MMP16: variants seen among roughly 807,000 people sequenced by gnomAD.
The protein encoded by MMP16 is matrix metallopeptidase 16.
Under a neutral mutation model 67.8 loss-of-function variants are expected in MMP16, and 12 were observed. The ratio of observed to expected loss-of-function variants is 0.18; its 90% confidence interval spans 0.11 to 0.29. MMP16 has a LOEUF of 0.29. Ranked by LOEUF, MMP16 falls within the 10% of genes least tolerant of loss-of-function variation. MMP16 has a pLI of 1.00. For missense variants in MMP16, 475 were observed against 765.7 expected, an observed-to-expected ratio of 0.62 and a Z score of 4.48; for synonymous variants, 249 against 255.9, an observed-to-expected ratio of 0.97 and a Z score of 0.26.
Position 88,257,598 on chromosome 8 carries a change from C to T in MMP16, c.133-60292G>A, listed in dbSNP as rs1810323491. Among the ~76,000 whole-genome samples the T allele has an allele frequency of 2.6e-5, 4 of 152,148 alleles. No homozygotes were observed. In the South Asian group the frequency reaches 6.2e-4, roughly 24 times the overall value. On this transcript the variant is annotated intron_variant, in intron 1 of 9. Coordinates refer to ENST00000286614, the MANE Select transcript of MMP16 (RefSeq NM_005941.5). ...GCTTAATATCATTGAAAAGAAAGCT[C>T]AGTTTAATATTATTTATAATTTATT...
At chr8:88,196,762 T>A (rs28907574) in intron 2 of MMP16, among the ~76,000 whole-genome samples, 4,034 of 151,794 alleles carry the variant, frequency 0.027, 174 homozygotes, top group African/African-American at 0.092. Flanking sequence ...GATATTTCCA[T>A]TTGGCCAATT....
In MMP16 at chr8:88,173,211, C is replaced by G. The variant is rs191473498; in HGVS notation, c.405-5238G>C. The stretch of plus-strand genomic sequence containing the variant: ...GGACTACAGTTGTGCACCACCACGC[C>G]TGGCTAATTTTTATACCTTTTGTAG... On this transcript the variant is annotated intron_variant, in intron 3 of 9. Coordinates refer to ENST00000286614, the MANE Select transcript of MMP16 (RefSeq NM_005941.5). Among the ~76,000 whole-genome samples the G allele has an allele frequency of 4.9e-3, 751 of 152,202 alleles. 2 individuals are homozygous for G. Among genetic ancestry groups the G allele is most frequent in the Non-Finnish European group, 8.2e-3 (561 of 68,018 alleles).
intron 1 of MMP16, among the ~76,000 whole-genome samples, chr8:88,272,126 ATGCGAG>A (rs1178484462): frequency 6.6e-6 from 1 of 152,190 alleles, no homozygotes; most frequent in African/African-American, 2.4e-5. Context: ...GAATATGTGC[ATGCGAG>A]TGTGTACAGG....
At chr8:88,055,179 G>T (rs902304108) in intron 8 of MMP16, among the ~76,000 whole-genome samples, 1 of 151,954 alleles carries the variant, frequency 6.6e-6, no homozygotes, top group Non-Finnish European at 1.5e-5. Context: ...GGCTATATCT[G>T]CCTAAAAGCT....
chr8:88,141,520 A>G (rs1467791923), intron 4 of MMP16, among the ~76,000 whole-genome samples: 1 of 152,050 alleles, frequency 6.6e-6, no homozygotes, highest in Non-Finnish European at 1.5e-5. Context: ...CCCCACCTAC[A>G]ACTATTACCT....
chr8:88,068,633 C>T (rs150673299), intron 7 of MMP16, among the ~76,000 whole-genome samples: 1 of 152,000 alleles, frequency 6.6e-6, no homozygotes, highest in Non-Finnish European at 1.5e-5. Flanking sequence ...ATTACTTGTC[C>T]ATATATGTTT....
intron 1 of MMP16, among the ~76,000 whole-genome samples, chr8:88,319,345 GA>G (rs1811423574): frequency 6.6e-6 from 1 of 151,982 alleles, no homozygotes; most frequent in South Asian, 2.1e-4. Flanking sequence ...AACGATGACA[GA>G]GGGGAGGGGT....
At chr8:88,264,066 AGAGTGTGT>A (rs754538692) in intron 1 of MMP16, among the ~76,000 whole-genome samples, 28 of 41,504 alleles carry the variant, frequency 6.7e-4, no homozygotes, top group African/African-American at 2.3e-3. Context: ...AGGGAGAGAG[AGAGTGTGT>A]GTGTGTGTGT....
chr8:88,163,001 C>G (rs1398339143), intron 4 of MMP16, among the ~76,000 whole-genome samples: 1 of 152,018 alleles, frequency 6.6e-6, no homozygotes, highest in Non-Finnish European at 1.5e-5. Flanking sequence ...CCTCAAATAT[C>G]AAAGTTCAAA....
intron 4 of MMP16, among the ~76,000 whole-genome samples, chr8:88,123,086 T>A (rs1350580323): frequency 2.0e-5 from 3 of 151,886 alleles, no homozygotes; most frequent in Non-Finnish European, 4.4e-5. Context: ...GATAATAAAT[T>A]GTTGTTTTAA....
At chr8:88,052,032 T>C (rs1029902676) in intron 8 of MMP16, among the ~76,000 whole-genome samples, 4 of 152,212 alleles carry the variant, frequency 2.6e-5, no homozygotes, top group African/African-American at 9.6e-5. Flanking sequence ...CGTCATTTCA[T>C]CTACTCTCTT....
At chr8:88,226,783 T>C (rs888219301) in intron 1 of MMP16, among the ~76,000 whole-genome samples, 1 of 152,032 alleles carries the variant, frequency 6.6e-6, no homozygotes. Flanking sequence ...TTGACCATTC[T>C]GGTCAGCACT....
At chr8:88,301,304 T>C (rs894864134) in intron 1 of MMP16, among the ~76,000 whole-genome samples, 5 of 152,130 alleles carry the variant, frequency 3.3e-5, no homozygotes, top group Non-Finnish European at 7.4e-5. Flanking sequence ...TCTGCCTCTC[T>C]CCATTTTATA....
chr8:88,254,884 GACAA>G (rs1170808699), intron 1 of MMP16, among the ~76,000 whole-genome samples: 4 of 152,194 alleles, frequency 2.6e-5, no homozygotes, highest in Middle Eastern at 3.4e-3. Flanking sequence ...CATTAATTGT[GACAA>G]ATGTGCTACA....
intron 4 of MMP16, among the ~76,000 whole-genome samples, chr8:88,154,790 C>G (rs1005687997): frequency 6.8e-6 from 1 of 147,530 alleles, no homozygotes; most frequent in Non-Finnish European, 1.5e-5. Flanking sequence ...GTGGGTGCAG[C>G]GCACCAGCAT....
rs372621555 is a variant in MMP16, at chr8:88,251,939, A to G, written c.133-54633T>C. Among the ~76,000 whole-genome samples the G allele has an allele frequency of 8.5e-5, 10 of 117,556 alleles. No individual in the cohort carries two copies. The South Asian group carries it at 2.7e-3, about 32-fold the overall frequency. 77.1% of individuals were successfully genotyped at this position (117,556 alleles called of 152,430 possible). A position where few individuals can be genotyped will look rare whatever the true frequency, so the allele number is the denominator to read the frequency against. ...CAGAGAAATGCAAATCAAAACCACA[A>G]TGAGATACCATCTCACACCAGTTAG... On this transcript the variant is annotated intron_variant, in intron 1 of 9. Coordinates refer to ENST00000286614, the MANE Select transcript of MMP16 (RefSeq NM_005941.5).
intron 5 of MMP16, among the ~76,000 whole-genome samples, chr8:88,118,362 GTT>G (rs72074734): frequency 6.6e-6 from 1 of 150,644 alleles, no homozygotes; most frequent in Admixed American, 6.6e-5. Flanking sequence ...ATTTTTCCTT[GTT>G]TTTTTTTGTT....
intron 7 of MMP16, among the ~76,000 whole-genome samples, chr8:88,073,809 C>T (rs1284966769): frequency 6.6e-6 from 1 of 152,018 alleles, no homozygotes; most frequent in Non-Finnish European, 1.5e-5. Flanking sequence ...CCTGTATAAG[C>T]TTATTTTCAG....
At chr8:88,296,954 CAAATTCA>C (rs1328479254) in intron 1 of MMP16, among the ~76,000 whole-genome samples, 4 of 150,968 alleles carry the variant, frequency 2.6e-5, no homozygotes, top group South Asian at 2.1e-4. Context: ...TAAAAAAAAG[CAAATTCA>C]AAATTCAAAA....
Sources: gnomAD v4.1 joint callset for allele counts (sites outside exome capture counted in the v4.1 genomes callset) on GRCh38, gnomAD v4.1.1 for gene constraint, MANE v1.5 for transcripts, NCBI Gene and HGNC (gene_info 2026-07-23, HGNC 2026-07-21) for gene names.